DNAH1: variants seen among roughly 807,000 people sequenced by gnomAD.
DNAH1 encodes the protein axonemal beta dynein heavy chain 1.
Under a neutral mutation model 484.3 loss-of-function variants are expected in DNAH1, and 327 were observed. That is an observed-to-expected ratio of 0.68 (90% CI 0.62 to 0.74). DNAH1 has a LOEUF of 0.74. Ranked by LOEUF, DNAH1 falls within the 30% of genes least tolerant of loss-of-function variation. The pLI is 0.00. For synonymous variants in DNAH1, 2,192 were observed against 2,191.9 expected (o/e 1.00, Z 0.00); for missense variants, 5,052 against 5,546.8 (o/e 0.91, Z 2.83).
chr3:52,352,446 G>A, intron 17 of DNAH1, 106 bp from the exon 18 acceptor site: 17 of 1,447,674 alleles, frequency 1.2e-5, no homozygotes, highest in Middle Eastern at 1.9e-4. Context: ...CTTAGAACTC[G>A]GAGGAGTGGA....
Position 52,350,497 on chromosome 3 carries a change from T to C in DNAH1, c.2647-11T>C. The stretch of plus-strand genomic sequence containing the variant: ...CACACGTGAAGTTCTCATTACCACC[T>C]GTCTGTGCAGGAGCGGATTGTGAAG... On this transcript the variant is annotated splice_polypyrimidine_tract_variant and intron_variant, in intron 15 of 77. Transcript: ENST00000420323. 6.2e-7 allele frequency: 1 copy of C among 1,613,460 alleles called. No individual in the cohort carries two copies. The highest frequency in any genetic ancestry group is 2.2e-5 in the East Asian group (1 of 44,870).
At chr3:52,347,786 T>C (rs369892898) in intron 11 of DNAH1, 38 bp from the exon 12 acceptor site, 1 of 1,530,004 alleles carries the variant, frequency 6.5e-7, no homozygotes, top group African/African-American at 1.4e-5. Flanking sequence ...ACAGGCCTCC[T>C]AGGCCTCTGC....
Position 52,368,980 on chromosome 3 carries a change from C to T in DNAH1, c.5943+62C>T. Reference sequence around the variant, plus strand: ...GGCTGGGTGGGCCTGGAGGCTGCATCATGCTGGCCAAACTCTGCCCCCTCA... The same window carrying T: ...GGCTGGGTGGGCCTGGAGGCTGCATTATGCTGGCCAAACTCTGCCCCCTCA... On this transcript the variant is annotated intron_variant, in intron 37 of 77. Coordinates refer to ENST00000420323, the MANE Select transcript of DNAH1 (RefSeq NM_015512.5). The surrounding 1 kb of genome is among the most constrained non-coding windows in gnomAD (Gnocchi z 4.4). The T allele has an allele frequency of 6.3e-7, 1 of 1,575,124 alleles. No individual in the cohort carries two copies. The highest frequency in any genetic ancestry group is 8.7e-7 in the Non-Finnish European group (1 of 1,150,538).
rs763909110 is a variant in DNAH1 at position 52,371,790 on chromosome 3, CT to C, written c.6526-153del. ...CCCATGCAGAAAGCAGGGCACAGGA[CT>C]TTCCATTTCCGCCGGAAGCAGCCCT... On this transcript the variant is annotated intron_variant, in intron 41 of 77. Coordinates refer to ENST00000420323, the MANE Select transcript of DNAH1 (RefSeq NM_015512.5). 3.3e-5 allele frequency among the ~76,000 whole-genome samples: 5 copies of C among 152,332 alleles called. No homozygotes were observed. The South Asian group carries it at 1.0e-3, about 32-fold the overall frequency.
intron 48 of DNAH1, among the ~76,000 whole-genome samples, chr3:52,380,623 C>G (rs55806905): frequency 0.097 from 14,842 of 152,286 alleles, 800 homozygotes; most frequent in Non-Finnish European, 0.12. Context: ...ACCCAACTCT[C>G]AGGCCTCCAT....
chr3:52,329,654 G>A (rs535310765), intron 6 of DNAH1, among the ~76,000 whole-genome samples: 4 of 152,078 alleles, frequency 2.6e-5, no homozygotes, highest in Non-Finnish European at 5.9e-5. Flanking sequence ...ATGAAACCCC[G>A]TCTTTACTAA....
chr3:52,389,609 T>C (rs1325120367), intron 60 of DNAH1, 23 bp downstream of exon 60: 16 of 1,420,010 alleles, frequency 1.1e-5, no homozygotes, highest in Non-Finnish European at 1.5e-5. Flanking sequence ...GGGGCAGGAG[T>C]GCCCAGGCAG....
intron 44 of DNAH1, chr3:52,374,398 C>A (rs188796620): frequency 7.5e-7 from 1 of 1,332,506 alleles, no homozygotes; most frequent in Non-Finnish European, 1.1e-6. Context: ...AAGGACAGCA[C>A]CCCCACAGAA....
At chr3:52,367,052 C>T (rs1703112821) in intron 36 of DNAH1, among the ~76,000 whole-genome samples, 165 bp downstream of exon 36, 1 of 152,164 alleles carries the variant, frequency 6.6e-6, no homozygotes, top group Non-Finnish European at 1.5e-5. Flanking sequence ...TGACCCTCCT[C>T]ACCCCCCAGG....
At chr3:52,321,115 CTTTTT>C (rs1244806589) in intron 1 of DNAH1, among the ~76,000 whole-genome samples, 4 of 133,998 alleles carry the variant, frequency 3.0e-5, no homozygotes, top group African/African-American at 1.4e-4. Flanking sequence ...TTTCTTTTTT[CTTTTT>C]TCTTTTTTTT....
In DNAH1 at chr3:52,384,821, C is replaced by T. The variant is rs535962110; in HGVS notation, c.8358C>T (p.Ser2786=). The T allele has an allele frequency of 6.2e-7, 1 of 1,606,104 alleles. No individual in the cohort carries two copies. Among genetic ancestry groups the T allele is most frequent in the South Asian group, 1.1e-5 (1 of 89,572 alleles). ...GTGTGTACATCCACCAGTCGGTGTC[C>T]AAGAAGTGCATCGAGTACCTGGCAG... The part of the protein sequence containing the change: ...QVCVYIHQSV[S]KKCIEYLAEL... The change falls in exon 53 of 78, where the codon TCC becomes TCT. Residue 2786 remains serine (S), a synonymous_variant. Coordinates refer to ENST00000420323, the MANE Select transcript of DNAH1 (RefSeq NM_015512.5).
chr3:52,380,100 G>T lies in DNAH1; in HGVS notation c.7573G>T (p.Val2525Phe), dbSNP rs758132014. 6.2e-7 allele frequency: 1 copy of T among 1,603,808 alleles called. No individual in the cohort carries two copies. The highest frequency in any genetic ancestry group is 1.1e-5 in the South Asian group (1 of 88,892). ...YGDFMSPGSD[V>F]KSYELITSES... ...GGACTTCATGTCACCAGGCTCCGAT[G>T]TCAAGTCCTACGAGCTCATCACCAG... The change falls in exon 48 of 78, where the codon GTC (valine) becomes TTC (phenylalanine). Residue 2525 changes from valine (V) to phenylalanine (F), a missense_variant. Coordinates refer to ENST00000420323, the MANE Select transcript of DNAH1 (RefSeq NM_015512.5).
chr3:52,315,138 T>C (rs1024377450), upstream of DNAH1, among the ~76,000 whole-genome samples: 17 of 152,172 alleles, frequency 1.1e-4, no homozygotes, highest in African/African-American at 3.9e-4. Context: ...CAGTGAATCG[T>C]AGACCTCACC....
At chr3:52,375,830 C>G in intron 45 of DNAH1, 125 bp from the exon 46 acceptor site, 1 of 1,118,940 alleles carries the variant, frequency 8.9e-7, no homozygotes, top group Non-Finnish European at 1.3e-6. Context: ...TGTCTCTGAG[C>G]CTTTATGGGG....
chr3:52,333,685 C>T (rs1701635708), intron 8 of DNAH1, among the ~76,000 whole-genome samples: 1 of 152,158 alleles, frequency 6.6e-6, no homozygotes, highest in South Asian at 2.1e-4. Context: ...GCCCAGCCAA[C>T]TTACCATTTT....
intron 43 of DNAH1, 73 bp downstream of exon 43, chr3:52,372,460 T>C (rs2153224793): frequency 6.3e-7 from 1 of 1,575,420 alleles, no homozygotes; most frequent in South Asian, 1.1e-5. Flanking sequence ...GTCCCACCTC[T>C]CCACCAAATT....
At chr3:52,389,395 T>C in intron 59 of DNAH1, 66 bp from the exon 60 acceptor site, 1 of 1,600,740 alleles carries the variant, frequency 6.2e-7, no homozygotes, top group Non-Finnish European at 8.5e-7. Context: ...CACTGTGGCT[T>C]AGTGGGAGTT....
At chr3:52,327,391 CCT>C (rs1701385910) in intron 5 of DNAH1, among the ~76,000 whole-genome samples, 1 of 152,168 alleles carries the variant, frequency 6.6e-6, no homozygotes, top group Non-Finnish European at 1.5e-5. Context: ...TCTCTGCGGC[CCT>C]GAGTGTCTCT....
At position 52,349,202 on chromosome 3, in the gene DNAH1, C is replaced by G. The variant is rs74363541; in HGVS notation, c.2308C>G (p.Gln770Glu). 2.8e-3 allele frequency: 4,473 copies of G among 1,613,458 alleles called. 118 individuals carry two copies. The African/African-American group carries it at 0.055, about 20-fold the overall frequency. ...TGTGCTTGCTGTCCTCAGAACCTAC[C>G]AGACGCAGGGCCTGTTGGCCCAGGA... ...NDIASFLKTYQTQGLLAQEVR... is the reference protein window; with the variant it reads ...NDIASFLKTYETQGLLAQEVR... Residue 770 changes from glutamine (Q) to glutamate (E), a missense_variant, in exon 14 of 78, where the codon CAG becomes GAG. Physicochemically the swap from Gln to Glu is conservative, Grantham distance 29. Coordinates refer to ENST00000420323, the MANE Select transcript of DNAH1 (RefSeq NM_015512.5).
Sources: gnomAD v4.1 joint callset for allele counts (sites outside exome capture counted in the v4.1 genomes callset) on GRCh38, gnomAD v4.1.1 for gene constraint, Gnocchi (gnomAD v3.1) non-coding constraint, MANE v1.5 for transcripts, NCBI Gene and HGNC (gene_info 2026-07-23, HGNC 2026-07-21) for gene names.